Variants in PHLPP1 observed in about 807,000 individuals in gnomAD.
PHLPP1 encodes PH domain and leucine rich repeat protein phosphatase 1.
PHLPP1 carries 42 observed loss-of-function variants against 117.2 expected under a neutral mutation model. That is an observed-to-expected ratio of 0.36 (90% confidence interval 0.28 to 0.46). PHLPP1 has a LOEUF of 0.46. PHLPP1 is among the 20% of genes least tolerant of loss of function. The pLI is 1.00. For synonymous variants in PHLPP1, 1,042 were observed against 970.7 expected, an observed-to-expected ratio of 1.07 and a Z score of -1.37; for missense variants, 2,084 against 2,241.9, an observed-to-expected ratio of 0.93 and a Z score of 1.42.
chr18:62,778,022 C>T lies in PHLPP1; in HGVS notation c.1577-52013C>T, dbSNP rs113076852. Among the ~76,000 whole-genome samples the T allele has an allele frequency of 7.7e-3, 1,178 of 152,278 alleles. 4 individuals are homozygous for T. The highest frequency in any genetic ancestry group is 8.9e-3 in the Non-Finnish European group (608 of 68,004). On this transcript the variant is annotated intron_variant, in intron 1 of 16. Coordinates refer to ENST00000262719, the MANE Select transcript of PHLPP1 (RefSeq NM_194449.4). ...TCTAGGTGATGTCACTTGTTGGAATCTCCATGTCATACCATATGACAAGGA... is the reference window on the plus strand; with the variant it reads ...TCTAGGTGATGTCACTTGTTGGAATTTCCATGTCATACCATATGACAAGGA...
chr18:62,770,742 G>T (rs1044234442), intron 1 of PHLPP1, among the ~76,000 whole-genome samples: 4 of 151,562 alleles, frequency 2.6e-5, no homozygotes, highest in Admixed American at 6.6e-5. Flanking sequence ...AATTTTTTTG[G>T]GGGGGGTGGG....
chr18:62,769,716 A>T (rs1283518825), intron 1 of PHLPP1, among the ~76,000 whole-genome samples: 2 of 152,258 alleles, frequency 1.3e-5, no homozygotes, highest in East Asian at 3.8e-4. Context: ...TAAGAATTTA[A>T]GCATAGTATA....
chr18:62,973,422 A>G (rs1324651293), intron 15 of PHLPP1, among the ~76,000 whole-genome samples: 2 of 152,176 alleles, frequency 1.3e-5, no homozygotes, highest in Admixed American at 1.3e-4. Flanking sequence ...GCCTGTCTAT[A>G]AGTATTGTGC....
At chr18:62,933,696 G>T (rs1909886362) in intron 10 of PHLPP1, among the ~76,000 whole-genome samples, 1 of 152,148 alleles carries the variant, frequency 6.6e-6, no homozygotes, top group Non-Finnish European at 1.5e-5. Context: ...CCTGGGCAAA[G>T]AATTTATGAC....
chr18:62,976,314 A>G (rs1245862972), intron 16 of PHLPP1, among the ~76,000 whole-genome samples: 1 of 152,216 alleles, frequency 6.6e-6, no homozygotes, highest in African/African-American at 2.4e-5. Context: ...TGCACAGGGC[A>G]GTCTCCACAA....
chr18:62,878,291 TTAAC>T (rs1887760953), intron 4 of PHLPP1, among the ~76,000 whole-genome samples: 1 of 152,202 alleles, frequency 6.6e-6, no homozygotes, highest in African/African-American at 2.4e-5. Context: ...GGGAACATAA[TTAAC>T]ATCTTTGCTG....
In PHLPP1 at chr18:62,819,842, C is replaced by T. The variant is rs531689381; in HGVS notation, c.1577-10193C>T. Among the ~76,000 whole-genome samples the T allele has an allele frequency of 1.2e-4, 18 of 152,280 alleles. No individual in the cohort carries two copies. The East Asian group carries it at 3.5e-3, about 29-fold the overall frequency. ...TGTATTTTTAGTAGAGAAGGGGTTT[C>T]ACCATGTTGGCCGCCAGGCTTTTTT... is the stretch of plus-strand genomic sequence containing the variant. On this transcript the variant is annotated intron_variant, in intron 1 of 16. Transcript: ENST00000262719.
chr18:62,893,856 AG>A (rs1459689850), intron 4 of PHLPP1, among the ~76,000 whole-genome samples: 1 of 152,182 alleles, frequency 6.6e-6, no homozygotes, highest in Non-Finnish European at 1.5e-5. Flanking sequence ...TGAAAATGAA[AG>A]GGCTATTAAC....
chr18:62,830,150 A>G lies in PHLPP1; in HGVS notation c.1692A>G (p.Leu564=), dbSNP rs372244687. ...GATGGACAAGACGCCAAGTCATCCTATGTGGGACCTGCCTGATAGTATCAT... is the reference window on the plus strand; with the variant it reads ...GATGGACAAGACGCCAAGTCATCCTGTGTGGGACCTGCCTGATAGTATCAT... ...VNRWTRRQVI[L]CGTCLIVSSV... is the part of the protein sequence containing the mutation. Residue 564 remains leucine, a synonymous_variant, in exon 2 of 17, where the codon CTA becomes CTG. Transcript: ENST00000262719. The G allele has an allele frequency of 1.2e-5, 20 of 1,605,424 alleles. No individual in the cohort carries two copies. The highest frequency in any genetic ancestry group is 5.3e-5 in the African/African-American group (4 of 74,808).
chr18:62,738,479 G>C (rs555801168), intron 1 of PHLPP1, among the ~76,000 whole-genome samples: 1 of 152,186 alleles, frequency 6.6e-6, no homozygotes, highest in African/African-American at 2.4e-5. Flanking sequence ...AAGTAATCTA[G>C]AGATAATTTA....
At chr18:62,892,931 C>T (rs1252957390) in intron 4 of PHLPP1, among the ~76,000 whole-genome samples, 1 of 151,510 alleles carries the variant, frequency 6.6e-6, no homozygotes, top group African/African-American at 2.4e-5. Flanking sequence ...GTCTCGGGTA[C>T]CTCCTCTGGG....
At chr18:62,763,853 G>A (rs528893589) in intron 1 of PHLPP1, among the ~76,000 whole-genome samples, 1 of 152,058 alleles carries the variant, frequency 6.6e-6, no homozygotes, top group African/African-American at 2.4e-5. Flanking sequence ...ACGCTTAAAT[G>A]CTCAAATAGT....
At chr18:62,738,558 T>A (rs1766894431) in intron 1 of PHLPP1, among the ~76,000 whole-genome samples, 1 of 152,184 alleles carries the variant, frequency 6.6e-6, no homozygotes, top group Non-Finnish European at 1.5e-5. Context: ...GTCCATTGAT[T>A]TTGGTATCTT....
At chr18:62,863,690 G>A (rs1200295800) in intron 4 of PHLPP1, among the ~76,000 whole-genome samples, 1 of 152,192 alleles carries the variant, frequency 6.6e-6, no homozygotes, top group Non-Finnish European at 1.5e-5. Flanking sequence ...CTCTTAGCAT[G>A]CTAATGCATT....
intron 4 of PHLPP1, among the ~76,000 whole-genome samples, chr18:62,885,388 G>A (rs567887385): frequency 6.6e-6 from 1 of 152,298 alleles, no homozygotes; most frequent in South Asian, 2.1e-4. Context: ...TTGGCCGGGC[G>A]TGGTGGCTTA....
rs1364647722 is a variant in PHLPP1 at position 62,716,027 on chromosome 18, G to A, written c.344G>A (p.Gly115Asp). The A allele has an allele frequency of 4.3e-6, 6 of 1,399,212 alleles. No homozygotes were observed. In the South Asian group the frequency reaches 9.3e-5, roughly 22 times the overall value. 86.7% of individuals were successfully genotyped at this position (1,399,212 alleles called of 1,614,324 possible). A position where few individuals can be genotyped will look rare whatever the true frequency, so the allele number is the denominator to read the frequency against. Residue 115 changes from glycine (G) to aspartate (D), a missense_variant, in exon 1 of 17, where the codon GGC becomes GAC. This residue lies in a region of PHLPP1 where 719 missense variants were observed against 636.0 expected (regional missense o/e 1.13). Transcript: ENST00000262719. This position sits in a 1 kb window ranked among gnomAD's most constrained non-coding sequence, Gnocchi z 5.7. Reference sequence around the variant, plus strand: ...GCCCCCGTACCCGGGGCCGGCGGCGGCGCCAACTCCCTCCTGCTGAGGAGA... The same window carrying A: ...GCCCCCGTACCCGGGGCCGGCGGCGACGCCAACTCCCTCCTGCTGAGGAGA... ...GAAPVPGAGG[G>D]ANSLLLRRGR...
At chr18:62,823,780 G>A (rs1323693752) in intron 1 of PHLPP1, among the ~76,000 whole-genome samples, 2 of 151,902 alleles carry the variant, frequency 1.3e-5, no homozygotes, top group African/African-American at 4.8e-5. Context: ...AGTCATTAGG[G>A]GAATGCAACT....
chr18:62,975,553 G>A lies in PHLPP1; in HGVS notation c.3912G>A (p.Leu1304=), dbSNP rs1218392319. The A allele has an allele frequency of 6.2e-7, 1 of 1,614,006 alleles. No homozygotes were observed. Among genetic ancestry groups the A allele is most frequent in the Admixed American group, 1.7e-5 (1 of 60,028 alleles). ...VLCRNGKPLP[L]SRSYIMSCEE... Reference sequence around the variant, plus strand: ...GTCGAAATGGAAAGCCGCTGCCTCTGTCCAGATCTTACATCATGAGCTGTG... The same window carrying A: ...GTCGAAATGGAAAGCCGCTGCCTCTATCCAGATCTTACATCATGAGCTGTG... The change falls in exon 16 of 17, where the codon CTG becomes CTA. Residue 1304 remains leucine, a synonymous_variant. Transcript: ENST00000262719.
chr18:62,752,556 T>C (rs1406752673), intron 1 of PHLPP1, among the ~76,000 whole-genome samples: 1 of 152,206 alleles, frequency 6.6e-6, no homozygotes, highest in Non-Finnish European at 1.5e-5. Flanking sequence ...GAGAGGCCAG[T>C]GTGGTAGAAA....
Sources: allele counts gnomAD v4.1 joint callset (sites outside exome capture counted in the v4.1 genomes callset), GRCh38; gene constraint gnomAD v4.1.1; regional missense constraint gnomAD v4.1.1; non-coding constraint Gnocchi (gnomAD v3.1); transcripts MANE v1.5; gene names NCBI Gene and HGNC (gene_info 2026-07-23, HGNC 2026-07-21).